The following MECOM variants were observed in gnomAD, a reference collection of about 807,000 sequenced individuals.
MECOM encodes the protein MDS1 and EVI1 complex locus.
A neutral mutation model predicts 116.3 loss-of-function variants in MECOM; 13 were observed. That is an observed-to-expected ratio of 0.11 (90% CI 0.07 to 0.18). The LOEUF is 0.18. MECOM is among the 10% of genes least tolerant of loss of function. MECOM has a pLI of 1.00. For synonymous variants in MECOM, 528 were observed against 535.2 expected (o/e 0.99, Z 0.19); for missense variants, 1,299 against 1,509.0 (o/e 0.86, Z 2.31).
At chr3:169,546,457 T>C (rs1760732916) in intron 1 of MECOM, among the ~76,000 whole-genome samples, 1 of 152,130 alleles carries the variant, frequency 6.6e-6, no homozygotes, top group South Asian at 2.1e-4. Flanking sequence ...CTAAATCAAC[T>C]CCCCTCACCT....
chr3:169,485,743 C>A (rs1166341547), intron 1 of MECOM, among the ~76,000 whole-genome samples: 1 of 150,362 alleles, frequency 6.7e-6, no homozygotes, highest in African/African-American at 2.5e-5. Flanking sequence ...AATTTGGCAA[C>A]GAAATATGCG....
chr3:169,482,283 G>A (rs1371207930), intron 1 of MECOM, among the ~76,000 whole-genome samples: 2 of 151,808 alleles, frequency 1.3e-5, no homozygotes, highest in East Asian at 3.9e-4. Context: ...TCACCATGGG[G>A]AGGAGCACTG....
intron 2 of MECOM, among the ~76,000 whole-genome samples, chr3:169,151,280 T>G (rs1460782664): frequency 6.6e-6 from 1 of 152,186 alleles, no homozygotes; most frequent in Non-Finnish European, 1.5e-5. Flanking sequence ...ACTGTAACAC[T>G]CTGCAGAGGA....
rs1488112 is a variant in MECOM, at chr3:169,235,783, G to A, written c.376-91951C>T. ...ATCATATTTATGTAAAACAAGGATC[G>A]CTTATGTTTTCATTCTCTTAGTTCC... On this transcript the variant is annotated intron_variant, in intron 2 of 16. Coordinates refer to ENST00000651503, the MANE Select transcript of MECOM (RefSeq NM_004991.4). Among the ~76,000 whole-genome samples, 143 of 150,514 alleles carry A rather than the reference G, an allele frequency of 9.5e-4. No individual in the cohort carries two copies. In the Middle Eastern group the frequency reaches 0.017, roughly 18 times the overall value.
chr3:169,217,764 A>G (rs1751591742), intron 2 of MECOM, among the ~76,000 whole-genome samples: 1 of 151,932 alleles, frequency 6.6e-6, no homozygotes, highest in South Asian at 2.1e-4. Context: ...AACCTGGGCA[A>G]CAGAGCGAGA....
chr3:169,580,719 C>G (rs531408807), intron 1 of MECOM, among the ~76,000 whole-genome samples: 2 of 152,172 alleles, frequency 1.3e-5, no homozygotes, highest in Non-Finnish European at 2.9e-5. Flanking sequence ...GACATTACCA[C>G]AGAATTAAAT....
At chr3:169,325,875 C>T (rs1032336603) in intron 2 of MECOM, among the ~76,000 whole-genome samples, 3 of 152,132 alleles carry the variant, frequency 2.0e-5, no homozygotes, top group African/African-American at 4.8e-5. Context: ...GAAATACAAA[C>T]CAAAGGGTCA....
At chr3:169,192,077 C>G (rs1210877671) in intron 2 of MECOM, among the ~76,000 whole-genome samples, 1 of 151,852 alleles carries the variant, frequency 6.6e-6, no homozygotes, top group Non-Finnish European at 1.5e-5. Context: ...TGTTAAGGAA[C>G]CTAAAAATGA....
chr3:169,228,505 G>T (rs573011386), intron 2 of MECOM, among the ~76,000 whole-genome samples: 35 of 152,186 alleles, frequency 2.3e-4, no homozygotes, highest in African/African-American at 2.9e-4. Flanking sequence ...TTGTATTTTC[G>T]TGAGACTACA....
intron 1 of MECOM, among the ~76,000 whole-genome samples, chr3:169,541,096 CTG>C (rs936733900): frequency 5.9e-5 from 9 of 152,222 alleles, no homozygotes; most frequent in African/African-American, 1.9e-4. Flanking sequence ...AGTCCACAAA[CTG>C]TAATGTGCAT....
chr3:169,203,638 A>G (rs1335307436), intron 2 of MECOM, among the ~76,000 whole-genome samples: 1 of 152,194 alleles, frequency 6.6e-6, no homozygotes, highest in African/African-American at 2.4e-5. Context: ...TGCCAGACAT[A>G]GAGAATAAAT....
At chr3:169,465,574 A>AT (rs1166392784) in intron 1 of MECOM, among the ~76,000 whole-genome samples, 3 of 152,042 alleles carry the variant, frequency 2.0e-5, no homozygotes, top group Non-Finnish European at 1.5e-5. Flanking sequence ...TTTTACACTG[A>AT]TTTTTTCTGT....
At chr3:169,257,186 T>G (rs1332385283) in intron 2 of MECOM, among the ~76,000 whole-genome samples, 3 of 152,240 alleles carry the variant, frequency 2.0e-5, no homozygotes, top group African/African-American at 7.2e-5. Context: ...GGTGTACATG[T>G]ACCTAAGCTT....
chr3:169,605,751 G>A (rs1450364511), intron 1 of MECOM, among the ~76,000 whole-genome samples: 3 of 152,182 alleles, frequency 2.0e-5, no homozygotes, highest in Admixed American at 6.5e-5. Flanking sequence ...GGAACCCTAT[G>A]TGTCTTTTCC....
chr3:169,332,361 G>A (rs1722891554), intron 2 of MECOM, among the ~76,000 whole-genome samples: 1 of 152,070 alleles, frequency 6.6e-6, no homozygotes, highest in African/African-American at 2.4e-5. Flanking sequence ...GATGTTTAAG[G>A]GACTTCACTT....
intron 2 of MECOM, among the ~76,000 whole-genome samples, chr3:169,281,831 A>T (rs566872962): frequency 4.1e-4 from 62 of 152,302 alleles, no homozygotes; most frequent in African/African-American, 1.3e-3. Context: ...TTTTTTAAAA[A>T]AAGACTTAAT....
intron 1 of MECOM, among the ~76,000 whole-genome samples, chr3:169,400,275 G>A (rs755114238): frequency 6.6e-6 from 1 of 152,132 alleles, no homozygotes; most frequent in Non-Finnish European, 1.5e-5. Context: ...AATTTCAGGA[G>A]TCCAAAAGAA....
chr3:169,279,186 A>G (rs969304937), intron 2 of MECOM, among the ~76,000 whole-genome samples: 1 of 152,082 alleles, frequency 6.6e-6, no homozygotes, highest in Non-Finnish European at 1.5e-5. Flanking sequence ...ATCAACCACC[A>G]CCATAATAAA....
At chr3:169,521,778 A>C (rs1226903563) in intron 1 of MECOM, among the ~76,000 whole-genome samples, 1 of 152,244 alleles carries the variant, frequency 6.6e-6, no homozygotes, top group Non-Finnish European at 1.5e-5. Flanking sequence ...ACCTTAATGC[A>C]GTCGGCTATT....
Sources: allele counts gnomAD v4.1 joint callset (sites outside exome capture counted in the v4.1 genomes callset), GRCh38; gene constraint gnomAD v4.1.1; transcripts MANE v1.5; gene names NCBI Gene and HGNC (gene_info 2026-07-23, HGNC 2026-07-21).